TMEM232: variants seen among roughly 807,000 people sequenced by gnomAD.
TMEM232 encodes the protein transmembrane protein 232.
Under a neutral mutation model 78.8 loss-of-function variants are expected in TMEM232, and 80 were observed. The ratio of observed to expected loss-of-function variants is 1.01; its 90% CI spans 0.85 to 1.22. The LOEUF is 1.22. TMEM232 is among the 50% of genes most tolerant of loss of function. The pLI is 0.00. For synonymous variants in TMEM232, 297 were observed against 254.3 expected, an observed-to-expected ratio of 1.17 and a Z score of -1.60; for missense variants, 881 against 742.2, an observed-to-expected ratio of 1.19 and a Z score of -2.17.
At chr5:110,609,022 TACAC>T (rs2149842747) in intron 8 of TMEM232, among the ~76,000 whole-genome samples, 1 of 152,194 alleles carries the variant, frequency 6.6e-6, no homozygotes, top group Admixed American at 6.6e-5. Flanking sequence ...AATATATACA[TACAC>T]ACATGCACAC....
intron 1 of TMEM232, among the ~76,000 whole-genome samples, chr5:110,668,585 G>C (rs537323636): frequency 3.3e-5 from 5 of 152,152 alleles, no homozygotes; most frequent in African/African-American, 1.2e-4. Context: ...TTGATGTATA[G>C]CAAGCTCTCC....
At chr5:110,497,658 G>T (rs1765779633) in intron 12 of TMEM232, among the ~76,000 whole-genome samples, 1 of 152,220 alleles carries the variant, frequency 6.6e-6, no homozygotes, top group African/African-American at 2.4e-5. Context: ...GTTGACCCTT[G>T]ATATACTCCA....
intron 8 of TMEM232, chr5:110,610,503 C>G (rs1313349329): frequency 2.2e-6 from 1 of 455,302 alleles, no homozygotes; most frequent in East Asian, 7.0e-5. Context: ...AATACAAGAC[C>G]TTGAAAAAAT....
At chr5:110,451,667 T>C (rs1259205535) in intron 12 of TMEM232, among the ~76,000 whole-genome samples, 1 of 152,132 alleles carries the variant, frequency 6.6e-6, no homozygotes, top group Non-Finnish European at 1.5e-5. Flanking sequence ...AAGTTTAACT[T>C]AGGTGCCTTG....
At chr5:110,668,637 A>G (rs979560126) in intron 1 of TMEM232, among the ~76,000 whole-genome samples, 2 of 152,180 alleles carry the variant, frequency 1.3e-5, no homozygotes, top group African/African-American at 2.4e-5. Flanking sequence ...CCTAATAGAC[A>G]TCTACAGAAC....
chr5:110,492,400 A>G (rs962967294), intron 12 of TMEM232, among the ~76,000 whole-genome samples: 1 of 151,974 alleles, frequency 6.6e-6, no homozygotes, highest in Non-Finnish European at 1.5e-5. Flanking sequence ...TGTTAGTGTC[A>G]TCAAATGTTA....
chr5:110,578,445 AGAGATATAACAAG>A (rs1216778799), intron 10 of TMEM232, among the ~76,000 whole-genome samples: 2 of 152,064 alleles, frequency 1.3e-5, no homozygotes, highest in African/African-American at 4.8e-5. Flanking sequence ...TAAGATTCCG[AGAGATATAACAAG>A]TTGCCTTAAG....
intron 1 of TMEM232, among the ~76,000 whole-genome samples, chr5:110,693,205 G>C (rs1425519509): frequency 6.6e-6 from 1 of 152,180 alleles, no homozygotes; most frequent in Non-Finnish European, 1.5e-5. Flanking sequence ...GTCTGGAATG[G>C]ACCTCCAGCA....
intron 6 of TMEM232, among the ~76,000 whole-genome samples, chr5:110,625,895 T>C (rs951007253): frequency 6.6e-6 from 1 of 151,800 alleles, no homozygotes; most frequent in Non-Finnish European, 1.5e-5. Context: ...CAAGATGTTA[T>C]TATTTACAAC....
intron 1 of TMEM232, among the ~76,000 whole-genome samples, chr5:110,696,129 G>T (rs1283876030): frequency 2.6e-5 from 4 of 152,048 alleles, no homozygotes; most frequent in African/African-American, 9.7e-5. Context: ...TTCATCCCTG[G>T]GATGCAAGGC....
At chr5:110,524,670 T>C (rs1770304760) in intron 12 of TMEM232, among the ~76,000 whole-genome samples, 1 of 152,184 alleles carries the variant, frequency 6.6e-6, no homozygotes, top group African/African-American at 2.4e-5. Flanking sequence ...CCATTTGGTC[T>C]ATACTGTTGT....
chr5:110,735,728 T>C (rs1799093307), intron 1 of TMEM232, among the ~76,000 whole-genome samples: 2 of 152,194 alleles, frequency 1.3e-5, no homozygotes, highest in Non-Finnish European at 2.9e-5. Context: ...CCCCTTGCTG[T>C]CTGTCTCCCA....
chr5:110,695,615 G>A (rs1354463866), intron 1 of TMEM232, among the ~76,000 whole-genome samples: 2 of 152,108 alleles, frequency 1.3e-5, no homozygotes, highest in African/African-American at 4.8e-5. Flanking sequence ...AAATGATAAA[G>A]GGGTAACACC....
At chr5:110,646,477 G>C (rs1787490575) in intron 2 of TMEM232, among the ~76,000 whole-genome samples, 1 of 151,648 alleles carries the variant, frequency 6.6e-6, no homozygotes, top group African/African-American at 2.4e-5. Context: ...AATGCAGAAA[G>C]GACAGTCTCT....
intron 10 of TMEM232, among the ~76,000 whole-genome samples, chr5:110,599,358 T>C (rs559354479): frequency 6.6e-6 from 1 of 152,188 alleles, no homozygotes; most frequent in Non-Finnish European, 1.5e-5. Flanking sequence ...ATGTCCCAAT[T>C]AAAAGACACC....
chr5:110,494,451 T>G (rs1323384686), intron 12 of TMEM232, among the ~76,000 whole-genome samples: 1 of 152,108 alleles, frequency 6.6e-6, no homozygotes, highest in Non-Finnish European at 1.5e-5. Flanking sequence ...TAGTACTACA[T>G]GTTGATGAGT....
chr5:110,548,525 C>T (rs10059551), intron 11 of TMEM232, among the ~76,000 whole-genome samples: 11,359 of 150,748 alleles, frequency 0.075, 534 homozygotes, highest in South Asian at 0.2. Context: ...AACCACCAAA[C>T]GAGTAAAGGG....
intron 12 of TMEM232, among the ~76,000 whole-genome samples, chr5:110,455,923 G>A (rs1760848537): frequency 6.6e-6 from 1 of 152,108 alleles, no homozygotes. Flanking sequence ...AAAACTCTTT[G>A]AAAATGAAGA....
At chr5:110,446,392 T>TA (rs914695442) in intron 12 of TMEM232, among the ~76,000 whole-genome samples, 3 of 152,176 alleles carry the variant, frequency 2.0e-5, no homozygotes, top group South Asian at 2.1e-4. Flanking sequence ...AAGAAATACT[T>TA]AGAGATATTG....
Sources: allele counts gnomAD v4.1 joint callset (sites outside exome capture counted in the v4.1 genomes callset), GRCh38; gene constraint gnomAD v4.1.1; transcripts MANE v1.5; gene names NCBI Gene and HGNC (gene_info 2026-07-23, HGNC 2026-07-21).